The following RGS12 variants were observed in gnomAD, a reference collection of about 807,000 sequenced individuals.
The protein encoded by RGS12 is regulator of G-protein signaling 12.
RGS12 carries 66 observed loss-of-function variants against 120.1 expected under a neutral mutation model. The ratio of observed to expected loss-of-function variants is 0.55; its 90% CI spans 0.45 to 0.67. The LOEUF is 0.67. RGS12 is among the 30% of genes least tolerant of loss of function. The probability of loss-of-function intolerance (pLI) is 0.00; values close to 1 mark genes in which losing one functional copy is unlikely to be tolerated. For missense variants in RGS12, 1,859 were observed against 1,957.7 expected (o/e 0.95, Z 0.95); for synonymous variants, 827 against 804.7 (o/e 1.03, Z -0.47).
chr4:3,413,956 G>T (rs1722041628), intron 4 of RGS12, 116 bp from the exon 5 acceptor site: 2 of 1,039,068 alleles, frequency 1.9e-6, no homozygotes, highest in East Asian at 2.6e-5. Context: ...GACTGAATGG[G>T]TGTTGGAGGG....
intron 3 of RGS12, chr4:3,343,281 T>C (rs1454719167): frequency 2.1e-6 from 1 of 482,500 alleles, no homozygotes; most frequent in Non-Finnish European, 3.8e-6. Flanking sequence ...CTCTTCTGTG[T>C]GCCAGACTCC....
chr4:3,419,742 G>A (rs1722800484), intron 9 of RGS12, among the ~76,000 whole-genome samples: 1 of 151,980 alleles, frequency 6.6e-6, no homozygotes, highest in African/African-American at 2.4e-5. Flanking sequence ...AATTGCTTGG[G>A]TCCTGGAGTT....
Position 3,420,289 on chromosome 4 carries a change from G to A in RGS12, c.2762-353G>A. 9.6e-6 allele frequency: 3 copies of A among 312,886 alleles called. 1 individual carries two copies. In the South Asian group the frequency reaches 1.1e-4, roughly 11 times the overall value. 19.4% of individuals were successfully genotyped at this position (312,886 alleles called of 1,614,324 possible). A position where few individuals can be genotyped will look rare whatever the true frequency, so the allele number is the denominator to read the frequency against. ...ATGGAATGGAGGAAAGGCCCTTACC[G>A]GGACATGCACCTGGGTCTGTGCTGT... On this transcript the variant is annotated intron_variant, in intron 9 of 17. Transcript: ENST00000336727.
intron 3 of RGS12, among the ~76,000 whole-genome samples, chr4:3,352,139 G>T (rs1390634650): frequency 6.6e-6 from 1 of 152,180 alleles, no homozygotes; most frequent in Non-Finnish European, 1.5e-5. Context: ...TATAAATTCT[G>T]TAGTAACCAG....
intron 1 of RGS12, among the ~76,000 whole-genome samples, chr4:3,294,505 TC>T (rs1281377357): frequency 6.6e-6 from 1 of 152,208 alleles, no homozygotes; most frequent in Non-Finnish European, 1.5e-5. Flanking sequence ...TATAAAAAGG[TC>T]CATCGTGGCC....
Position 3,416,897 on chromosome 4 carries a change from T to C in RGS12, c.2428-16T>C. 6.3e-7 allele frequency: 1 copy of C among 1,583,394 alleles called. No homozygotes were observed. The highest frequency in any genetic ancestry group is 8.6e-7 in the Non-Finnish European group (1 of 1,157,444). ...GGTCCCTCCTGTGACTGTCCCACCT[T>C]ACATCTTCTCCCCAGATCTTCAATC... On this transcript the variant is annotated splice_polypyrimidine_tract_variant and intron_variant, in intron 7 of 17. Transcript: ENST00000336727.
chr4:3,378,073 G>T (rs953395533), intron 3 of RGS12: 1 of 152,178 alleles, frequency 6.6e-6, no homozygotes. Flanking sequence ...AATCCAAGAA[G>T]TATAGGCCAA....
chr4:3,396,475 G>C (rs992981255), intron 4 of RGS12, among the ~76,000 whole-genome samples: 6 of 152,204 alleles, frequency 3.9e-5, no homozygotes, highest in Non-Finnish European at 7.3e-5. Flanking sequence ...GTAGGGGTAA[G>C]ATTCATTTTT....
intron 3 of RGS12, among the ~76,000 whole-genome samples, chr4:3,353,104 G>A (rs1161346959): frequency 6.6e-6 from 1 of 152,214 alleles, no homozygotes; most frequent in Non-Finnish European, 1.5e-5. Flanking sequence ...TTGCTCATCT[G>A]CTCCAGTTAG....
In RGS12 at chr4:3,317,447, T is replaced by C; in HGVS notation, c.1277T>C (p.Ile426Thr). Residue 426 changes from isoleucine to threonine, a missense_variant, in exon 2 of 18, where the codon ATT becomes ACT. By Grantham distance (89) the Ile-to-Thr change is moderately conservative. This residue lies in a region of RGS12 where 967 missense variants were observed against 994.2 expected (regional missense o/e 0.97). Transcript: ENST00000336727. ...NSTSSNSDSGIGNFHQEEKSN... is the reference protein window; with the variant it reads ...NSTSSNSDSGTGNFHQEEKSN... ...ACCAGCAGCAACAGTGACAGCGGCA[T>C]TGGGAACTTCCACCAGGAGGAGAAG... 1 of 1,613,906 alleles carries C rather than the reference T, an allele frequency of 6.2e-7. No individual in the cohort carries two copies. Among genetic ancestry groups the C allele is most frequent in the Non-Finnish European group, 8.5e-7 (1 of 1,179,984 alleles).
At chr4:3,438,127 G>A (rs1161938313) in intron 17 of RGS12, among the ~76,000 whole-genome samples, 1 of 152,082 alleles carries the variant, frequency 6.6e-6, no homozygotes, top group African/African-American at 2.4e-5. Context: ...TGGTTCTCAT[G>A]TGCCGGGGGC....
intron 4 of RGS12, among the ~76,000 whole-genome samples, chr4:3,410,791 C>G (rs1030935653): frequency 3.3e-5 from 5 of 152,226 alleles, no homozygotes; most frequent in African/African-American, 1.2e-4. Flanking sequence ...CTACGAGTGT[C>G]CGGGGGCCTC....
At chr4:3,359,848 C>G (rs1715392077) in intron 3 of RGS12, among the ~76,000 whole-genome samples, 1 of 152,084 alleles carries the variant, frequency 6.6e-6, no homozygotes, top group Non-Finnish European at 1.5e-5. Context: ...GTCTCGAACT[C>G]CTGACCTCAG....
chr4:3,302,408 G>A (rs982738499), intron 1 of RGS12, among the ~76,000 whole-genome samples: 46 of 152,250 alleles, frequency 3.0e-4, no homozygotes, highest in African/African-American at 1.1e-3. Flanking sequence ...CTTGGCTCCC[G>A]CTCTTGTCTG....
At chr4:3,351,543 T>C (rs1286594383) in intron 3 of RGS12, among the ~76,000 whole-genome samples, 1 of 152,198 alleles carries the variant, frequency 6.6e-6, no homozygotes, top group Non-Finnish European at 1.5e-5. Context: ...GCCATTAGTT[T>C]GAAAGCCCTT....
chr4:3,407,882 A>G (rs1213563687), intron 4 of RGS12, among the ~76,000 whole-genome samples: 1 of 152,214 alleles, frequency 6.6e-6, no homozygotes, highest in Non-Finnish European at 1.5e-5. Flanking sequence ...ACCAATATAT[A>G]CATGGCGGCT....
At chr4:3,301,252 G>A (rs945532514) in intron 1 of RGS12, among the ~76,000 whole-genome samples, 4 of 152,250 alleles carry the variant, frequency 2.6e-5, no homozygotes, top group African/African-American at 4.8e-5. Context: ...CAGGACAGGT[G>A]CACAGCTTGT....
At chr4:3,380,683 G>A (rs1369070226) in intron 3 of RGS12, among the ~76,000 whole-genome samples, 1 of 152,232 alleles carries the variant, frequency 6.6e-6, no homozygotes, top group African/African-American at 2.4e-5. Context: ...AATGGCCTGA[G>A]CTCTACGTTA....
At chr4:3,327,384 T>C (rs1725620350) in intron 2 of RGS12, among the ~76,000 whole-genome samples, 1 of 152,226 alleles carries the variant, frequency 6.6e-6, no homozygotes, top group African/African-American at 2.4e-5. Flanking sequence ...AGGCAAATAA[T>C]TTATTGTTGA....
Sources: allele counts gnomAD v4.1 joint callset (sites outside exome capture counted in the v4.1 genomes callset), GRCh38; gene constraint gnomAD v4.1.1; regional missense constraint gnomAD v4.1.1; transcripts MANE v1.5; gene names NCBI Gene and HGNC (gene_info 2026-07-23, HGNC 2026-07-21).